The following ROR1 variants were observed in gnomAD, a reference collection of about 807,000 sequenced individuals.
The protein encoded by ROR1 is ROR family WNT receptor 1.
ROR1 carries 19 observed loss-of-function variants against 78.8 expected under a neutral mutation model. The ratio of observed to expected loss-of-function variants is 0.24; its 90% confidence interval spans 0.17 to 0.35. ROR1 has a LOEUF of 0.35. Ranked by LOEUF, ROR1 falls within the 10% of genes least tolerant of loss-of-function variation. The probability of loss-of-function intolerance (pLI) is 1.00; values close to 1 mark genes in which losing one functional copy is unlikely to be tolerated. For missense variants in ROR1, 917 were observed against 1,177.8 expected, an observed-to-expected ratio of 0.78 and a Z score of 3.24; for synonymous variants, 386 against 433.6, an observed-to-expected ratio of 0.89 and a Z score of 1.36.
chr1:63,927,451 G>A (rs1264852350), intron 1 of ROR1, among the ~76,000 whole-genome samples: 3 of 148,990 alleles, frequency 2.0e-5, no homozygotes, highest in African/African-American at 7.4e-5. Context: ...TGTTCATCAA[G>A]GATATTGGTC....
intron 1 of ROR1, among the ~76,000 whole-genome samples, chr1:63,815,680 C>T (rs1199241369): frequency 6.6e-6 from 1 of 152,074 alleles, no homozygotes; most frequent in African/African-American, 2.4e-5. Context: ...TCAGGGCTAT[C>T]TCCTGTGGTG....
chr1:63,841,813 G>A (rs1645051378), intron 1 of ROR1, among the ~76,000 whole-genome samples: 1 of 152,152 alleles, frequency 6.6e-6, no homozygotes, highest in Admixed American at 6.5e-5. Flanking sequence ...GTATGAAAGA[G>A]GATTTTATCC....
chr1:64,097,630 T>TA (rs1647350754), intron 4 of ROR1, among the ~76,000 whole-genome samples: 1 of 151,872 alleles, frequency 6.6e-6, no homozygotes, highest in Non-Finnish European at 1.5e-5. Context: ...AACAAAGTTA[T>TA]TTTGTCCTAG....
intron 1 of ROR1, among the ~76,000 whole-genome samples, chr1:64,006,627 A>G (rs975837008): frequency 6.6e-6 from 1 of 152,096 alleles, no homozygotes; most frequent in South Asian, 2.1e-4. Context: ...TTTTGTTTTC[A>G]TATTTTGGAA....
At chr1:63,819,006 C>G (rs1379547469) in intron 1 of ROR1, among the ~76,000 whole-genome samples, 3 of 152,026 alleles carry the variant, frequency 2.0e-5, no homozygotes, top group Non-Finnish European at 4.4e-5. Flanking sequence ...GGAAAAATTG[C>G]TAAAGCCCTG....
rs369712857 is a variant in ROR1 at position 63,796,173 on chromosome 1, A to G, written c.91+21665A>G. ...TTTCAGAAACATTTTTCCCTTCTAC[A>G]AAGGATGACATCAGGGCATAGCAGA... is the stretch of plus-strand genomic sequence containing the variant. On this transcript the variant is annotated intron_variant, in intron 1 of 8. Transcript: ENST00000371079. 2.4e-4 allele frequency among the ~76,000 whole-genome samples: 36 copies of G among 152,250 alleles called. No homozygotes were observed. The East Asian group carries it at 6.0e-3, about 25-fold the overall frequency.
At chr1:63,919,695 T>A (rs1247135120) in intron 1 of ROR1, among the ~76,000 whole-genome samples, 1 of 152,178 alleles carries the variant, frequency 6.6e-6, no homozygotes, top group East Asian at 1.9e-4. Context: ...TTCCAGAGCC[T>A]GTTTCTTTGT....
intron 4 of ROR1, among the ~76,000 whole-genome samples, chr1:64,059,491 A>G (rs1244392372): frequency 6.6e-6 from 1 of 152,112 alleles, no homozygotes; most frequent in Non-Finnish European, 1.5e-5. Flanking sequence ...CAGCTGGATC[A>G]TGAAGTCAGG....
At chr1:63,818,430 C>G (rs528354174) in intron 1 of ROR1, among the ~76,000 whole-genome samples, 1 of 152,320 alleles carries the variant, frequency 6.6e-6, no homozygotes, top group East Asian at 1.9e-4. Context: ...CACCTACATT[C>G]TACTATTGCT....
chr1:63,878,050 A>C (rs1557540549), intron 1 of ROR1, among the ~76,000 whole-genome samples: 1 of 152,304 alleles, frequency 6.6e-6, no homozygotes, highest in East Asian at 1.9e-4. Flanking sequence ...CCTCTCCGGC[A>C]TCTGGCTCAA....
intron 4 of ROR1, among the ~76,000 whole-genome samples, chr1:64,091,764 CT>C (rs1647199319): frequency 6.6e-6 from 1 of 152,114 alleles, no homozygotes; most frequent in Non-Finnish European, 1.5e-5. Context: ...TGTGTCTCTT[CT>C]CCTACTCTGT....
chr1:63,934,548 T>C (rs1645778975), intron 1 of ROR1, among the ~76,000 whole-genome samples: 1 of 152,356 alleles, frequency 6.6e-6, no homozygotes, highest in African/African-American at 2.4e-5. Flanking sequence ...AAATGGATCC[T>C]GTGGGATGGT....
At chr1:64,047,549 T>C (rs1219405308) in intron 2 of ROR1, among the ~76,000 whole-genome samples, 1 of 152,198 alleles carries the variant, frequency 6.6e-6, no homozygotes, top group Non-Finnish European at 1.5e-5. Flanking sequence ...ATCACTATGC[T>C]TATAGTGGCA....
At chr1:64,160,935 C>T (rs893915651) in intron 8 of ROR1, among the ~76,000 whole-genome samples, 3 of 152,212 alleles carry the variant, frequency 2.0e-5, no homozygotes, top group Non-Finnish European at 4.4e-5. Flanking sequence ...GGGCAGGAAC[C>T]ATGGAAGAAT....
At chr1:63,998,783 A>G (rs285375) in intron 1 of ROR1, among the ~76,000 whole-genome samples, 111,714 of 152,062 alleles carry the variant, frequency 0.73, 42,270 homozygotes, top group East Asian at 0.94. Flanking sequence ...GATATGGTTT[A>G]GCTCTGTGTC....
At chr1:63,908,845 G>C (rs1249477821) in intron 1 of ROR1, among the ~76,000 whole-genome samples, 1 of 152,188 alleles carries the variant, frequency 6.6e-6, no homozygotes, top group Non-Finnish European at 1.5e-5. Flanking sequence ...TACCATGAAA[G>C]CCCTGACTTC....
chr1:63,828,430 T>A (rs1364861920), intron 1 of ROR1, among the ~76,000 whole-genome samples: 1 of 152,200 alleles, frequency 6.6e-6, no homozygotes, highest in African/African-American at 2.4e-5. Flanking sequence ...TAAACCCCTG[T>A]GATGTGGCAG....
intron 1 of ROR1, among the ~76,000 whole-genome samples, chr1:63,973,201 C>T (rs563310743): frequency 2.6e-5 from 4 of 152,314 alleles, no homozygotes; most frequent in African/African-American, 4.8e-5. Flanking sequence ...CTGTCTCCTT[C>T]GCAGAGATCC....
intron 4 of ROR1, among the ~76,000 whole-genome samples, chr1:64,099,627 G>A (rs988826760): frequency 4.7e-5 from 7 of 150,062 alleles, no homozygotes; most frequent in African/African-American, 1.7e-4. Flanking sequence ...CTGACCTAAT[G>A]CTTTAAAGTT....
Sources: gnomAD v4.1 joint callset for allele counts (sites outside exome capture counted in the v4.1 genomes callset) on GRCh38, gnomAD v4.1.1 for gene constraint, MANE v1.5 for transcripts, NCBI Gene and HGNC (gene_info 2026-07-23, HGNC 2026-07-21) for gene names.